The following MYBPH variants were observed in gnomAD, a reference collection of about 807,000 sequenced individuals.
MYBPH encodes myosin binding protein H.
A neutral mutation model predicts 53.6 loss-of-function variants in MYBPH; 49 were observed. That is an observed-to-expected ratio of 0.91 (90% CI 0.73 to 1.16). The LOEUF (loss-of-function observed/expected upper bound fraction) is 1.16, where lower values mean the gene tolerates loss of function less well. Ranked by LOEUF, MYBPH falls within the 50% of genes most tolerant of loss-of-function variation. The pLI, the probability that MYBPH is intolerant of heterozygous loss-of-function variation, is 0.00. For missense variants in MYBPH, 558 were observed against 624.1 expected (o/e 0.89, Z 1.13); for synonymous variants, 239 against 249.6 (o/e 0.96, Z 0.40).
Position 203,171,487 on chromosome 1 carries a change from A to T in MYBPH, c.689T>A (p.Ile230Asn), listed in dbSNP as rs746704727. 2 of 1,613,826 alleles carry T rather than the reference A, an allele frequency of 1.2e-6. No homozygotes were observed. ...GCGCTGGGCCGAGCGAATGAAGAGGATGGAGTCCTGGTCCCCGGTGCGCAT... is the reference window on the plus strand; with the variant it reads ...GCGCTGGGCCGAGCGAATGAAGAGGTTGGAGTCCTGGTCCCCGGTGCGCAT... ...VSMRTGDQDSILFIRSAQRSD... is the reference protein window; with the variant it reads ...VSMRTGDQDSNLFIRSAQRSD... Residue 230 changes from isoleucine to asparagine, a missense_variant, in exon 5 of 11, where the codon ATC (isoleucine) becomes AAC (asparagine). By Grantham distance (149) the Ile-to-Asn change is moderately radical. Transcript: ENST00000255416. This position sits in a 1 kb window ranked among gnomAD's most constrained non-coding sequence, Gnocchi z 4.2.
chr1:203,174,245 G>A (rs1354655307), intron 3 of MYBPH, 185 bp downstream of exon 3: 14 of 916,940 alleles, frequency 1.5e-5, no homozygotes, highest in African/African-American at 1.8e-5. Context: ...GACCTCCAGA[G>A]GCCCCTTACT....
intron 3 of MYBPH, among the ~76,000 whole-genome samples, chr1:203,173,376 GT>G (rs374524845): frequency 1.6e-3 from 238 of 152,348 alleles, no homozygotes; most frequent in African/African-American, 5.5e-3. Context: ...GGAGGCTTGG[GT>G]TTTGGGTGCC....
chr1:203,174,687 A>G, intron 2 of MYBPH, 90 bp from the exon 3 acceptor site: 2 of 1,324,672 alleles, frequency 1.5e-6, no homozygotes, highest in Non-Finnish European at 2.0e-6. Flanking sequence ...TGATCTGGGG[A>G]AATCAGCCTC....
chr1:203,173,101 C>T (rs893142226), intron 3 of MYBPH, among the ~76,000 whole-genome samples: 1 of 152,230 alleles, frequency 6.6e-6, no homozygotes, highest in Non-Finnish European at 1.5e-5. Context: ...ACAGCCTCCT[C>T]TCCCTCTTCT....
At chr1:203,174,763 A>C (rs962945199) in intron 2 of MYBPH, among the ~76,000 whole-genome samples, 166 bp from the exon 3 acceptor site, 6 of 152,104 alleles carry the variant, frequency 3.9e-5, no homozygotes, top group African/African-American at 1.4e-4. Context: ...CATCAAAGAC[A>C]CCTGATGTTA....
rs369174916 is a variant in MYBPH at position 203,175,704 on chromosome 1, C to A, written c.52G>T (p.Ala18Ser). ...GTGGGCACCTTGGCAGATTCAGATG[C>A]GGTCTCCTCTGGACTGCAGGCAGGG... ...EGPACSPEET[A>S]SESAKVPTAE... Residue 18 changes from alanine (A) to serine (S), a missense_variant, in exon 1 of 11, where the codon GCA becomes TCA. Ala to Ser is a moderately conservative substitution (Grantham distance 99, BLOSUM62 1). Coordinates refer to ENST00000255416, the MANE Select transcript of MYBPH (RefSeq NM_004997.3). 79 of 1,613,924 alleles carry A rather than the reference C, an allele frequency of 4.9e-5. No homozygotes were observed. Among genetic ancestry groups the A allele is most frequent in the Non-Finnish European group, 6.7e-5 (79 of 1,180,000 alleles).
In MYBPH at chr1:203,174,507, C is replaced by T. The variant is rs146696842; in HGVS notation, c.431G>A (p.Arg144His). 3.8e-5 allele frequency: 61 copies of T among 1,613,510 alleles called. No homozygotes were observed. The highest frequency in any genetic ancestry group is 1.6e-4 in the African/African-American group (12 of 75,030). ...CCCTGCAGAACTCACTGCAGACACG[C>T]GCAGGAGGAACTTGTCTCCCAGAGC... ...NLALGDKFLL[R>H]VSAVSSAGAG... is the part of the protein sequence containing the mutation. The change falls in exon 3 of 11, where the codon CGC (arginine) becomes CAC (histidine). Residue 144 changes from arginine to histidine, a missense_variant. Physicochemically the swap from Arg to His is conservative, Grantham distance 29. Transcript: ENST00000255416.
chr1:203,171,838 C>T lies in MYBPH; in HGVS notation c.597+114G>A, dbSNP rs574217819. On this transcript the variant is annotated intron_variant, in intron 4 of 10. Transcript: ENST00000255416. The surrounding 1 kb of genome is among the most constrained non-coding windows in gnomAD (Gnocchi z 4.2). ...GTGCATGATTGCGGAAGGATGAAGC[C>T]GTCTCGCTGGGTCTCAGCTGGACCC... The T allele has an allele frequency of 1.6e-5, 12 of 748,688 alleles. No homozygotes were observed. In the African/African-American group the frequency reaches 1.6e-4, roughly 10 times the overall value. The allele number at this position is 748,688 out of a possible 1,614,324, so 46.4% of individuals were successfully genotyped here. A position where few individuals can be genotyped will look rare whatever the true frequency, so the allele number is the denominator to read the frequency against.
chr1:203,177,385 G>C (rs1655832904), upstream of MYBPH, among the ~76,000 whole-genome samples: 1 of 152,216 alleles, frequency 6.6e-6, no homozygotes, highest in Non-Finnish European at 1.5e-5. Flanking sequence ...CGTAAGATGT[G>C]CTCACAATTT....
At chr1:203,177,758 A>C (rs1467800852), upstream of MYBPH, among the ~76,000 whole-genome samples, 1 of 152,232 alleles carries the variant, frequency 6.6e-6, no homozygotes. Flanking sequence ...GGCTGCCCAC[A>C]AGGGCTTGCA....
At chr1:203,175,183 TG>T in intron 2 of MYBPH, 143 bp downstream of exon 2, 2 of 992,238 alleles carry the variant, frequency 2.0e-6, no homozygotes, top group African/African-American at 1.7e-5. Context: ...AAAGGGCAGG[TG>T]GGTGGGTTGA....
chr1:203,174,718 C>T, intron 2 of MYBPH, 121 bp from the exon 3 acceptor site: 2 of 1,089,506 alleles, frequency 1.8e-6, no homozygotes, highest in East Asian at 2.8e-5. Flanking sequence ...CCTCATTTTC[C>T]CCTTGTTTGC....
At position 203,175,550 on chromosome 1, in the gene MYBPH, C is replaced by G; in HGVS notation, c.205+1G>C. On this transcript the variant is annotated splice_donor_variant, in intron 1 of 10. Coordinates refer to ENST00000255416, the MANE Select transcript of MYBPH (RefSeq NM_004997.3). LOFTEE classifies it high-confidence loss of function. ...CCTCCCCCTGCCCCACCTTCAGTCACCTTCACTTGGGGGTGCAGGCTTAGT... is the reference window on the plus strand; with the variant it reads ...CCTCCCCCTGCCCCACCTTCAGTCAGCTTCACTTGGGGGTGCAGGCTTAGT... The G allele has an allele frequency of 6.2e-7, 1 of 1,613,838 alleles. No homozygotes were observed. Among genetic ancestry groups the G allele is most frequent in the Non-Finnish European group, 8.5e-7 (1 of 1,179,890 alleles).
chr1:203,174,895 G>A (rs1206521527), intron 2 of MYBPH, among the ~76,000 whole-genome samples: 1 of 152,092 alleles, frequency 6.6e-6, no homozygotes, highest in African/African-American at 2.4e-5. Flanking sequence ...GGGCCATGGA[G>A]GGGGACAGTG....
chr1:203,175,836 A>C (rs1042426866), upstream of MYBPH: 27 of 1,415,518 alleles, frequency 1.9e-5, no homozygotes, highest in Non-Finnish European at 2.6e-5. Flanking sequence ...TGCCTGGGAC[A>C]CCTAGGTCCA....
In MYBPH at chr1:203,171,933, T is replaced by C. The variant is rs370882904; in HGVS notation, c.597+19A>G. 8.7e-5 allele frequency: 114 copies of C among 1,310,270 alleles called. No homozygotes were observed. The highest frequency in any genetic ancestry group is 1.1e-4 in the Non-Finnish European group (110 of 1,018,470). The allele number at this position is 1,310,270 out of a possible 1,614,324, so 81.2% of individuals were successfully genotyped here. A position where few individuals can be genotyped will look rare whatever the true frequency, so the allele number is the denominator to read the frequency against. ...TGGTTCCCACCCAGGCTGTTACCCT[T>C]GGTGGGGGTAATACCCACCTGGAAG... On this transcript the variant is annotated intron_variant, in intron 4 of 10. Transcript: ENST00000255416. This position sits in a 1 kb window ranked among gnomAD's most constrained non-coding sequence, Gnocchi z 4.2.
chr1:203,169,277 G>A lies in MYBPH; in HGVS notation c.1206C>T (p.Phe402=). 6.2e-7 allele frequency: 1 copy of A among 1,612,564 alleles called. No individual in the cohort carries two copies. The highest frequency in any genetic ancestry group is 8.5e-7 in the Non-Finnish European group (1 of 1,179,186). Residue 402 remains phenylalanine, a synonymous_variant, in exon 8 of 11, where the codon TTC becomes TTT. Transcript: ENST00000255416. ...CCTTGGGTGAAGCTCGGACACTGCA[G>A]AACAACTGGGTGCTGTAGCCAGGGG... ...TSTPGYSTQL[F]CSVRASPKPK...
upstream of MYBPH, among the ~76,000 whole-genome samples, chr1:203,176,516 C>A (rs1166862581): frequency 1.3e-5 from 2 of 152,168 alleles, no homozygotes; most frequent in South Asian, 2.1e-4. Flanking sequence ...TTACAGAGAA[C>A]CCCTCGCCCT....
intron 6 of MYBPH, among the ~76,000 whole-genome samples, chr1:203,170,712 A>G (rs1655678600): frequency 6.6e-6 from 1 of 152,172 alleles, no homozygotes; most frequent in African/African-American, 2.4e-5. Flanking sequence ...CATCACCTGG[A>G]AACGTCTTAG....
Sources: allele counts gnomAD v4.1 joint callset (sites outside exome capture counted in the v4.1 genomes callset), GRCh38; gene constraint gnomAD v4.1.1; non-coding constraint Gnocchi (gnomAD v3.1); transcripts MANE v1.5; gene names NCBI Gene and HGNC (gene_info 2026-07-23, HGNC 2026-07-21).